SGCZ: variants seen among roughly 807,000 people sequenced by gnomAD.
The protein encoded by SGCZ is sarcoglycan zeta.
A neutral mutation model predicts 41.3 loss-of-function variants in SGCZ; 40 were observed. The ratio of observed to expected loss-of-function variants is 0.97; its 90% CI spans 0.75 to 1.26. The LOEUF is 1.26. Among genes scored for constraint, SGCZ ranks in the 50% most tolerant of loss-of-function variants. The pLI, the probability that SGCZ is intolerant of heterozygous loss-of-function variation, is 0.00. For synonymous variants in SGCZ, 206 were observed against 137.5 expected (o/e 1.50, Z -3.49); for missense variants, 552 against 369.8 (o/e 1.49, Z -4.04).
At chr8:14,322,704 A>C (rs1405634169) in intron 3 of SGCZ, among the ~76,000 whole-genome samples, 2 of 152,152 alleles carry the variant, frequency 1.3e-5, no homozygotes, top group African/African-American at 4.8e-5. Context: ...AGGCATTTTC[A>C]GAGAAGTTTT....
At chr8:15,080,758 T>C (rs1166662408) in intron 1 of SGCZ, among the ~76,000 whole-genome samples, 1 of 151,756 alleles carries the variant, frequency 6.6e-6, no homozygotes, top group Non-Finnish European at 1.5e-5. Flanking sequence ...GCTCAGCTAA[T>C]TTTTTTTGTA....
At chr8:14,223,735 C>G (rs1806281783) in intron 4 of SGCZ, among the ~76,000 whole-genome samples, 1 of 152,084 alleles carries the variant, frequency 6.6e-6, no homozygotes, top group East Asian at 1.9e-4. Context: ...AAGTGATAAC[C>G]CTTAACAAAC....
At position 14,094,104 on chromosome 8, in the gene SGCZ, A is replaced by T. The variant is rs78998898; in HGVS notation, c.745-3467T>A. Among the ~76,000 whole-genome samples, 651 of 152,108 alleles carry T rather than the reference A, an allele frequency of 4.3e-3. 7 individuals are homozygous for T. Among genetic ancestry groups the T allele is most frequent in the African/African-American group, 0.015 (641 of 41,528 alleles). On this transcript the variant is annotated intron_variant, in intron 7 of 7. Coordinates refer to ENST00000382080, the MANE Select transcript of SGCZ (RefSeq NM_139167.4). ...TCATCTGTTTTCTCTTCCATATACC[A>T]TTCCCTGACGCCCCAAGATAGAAAA... is the stretch of plus-strand genomic sequence containing the variant.
chr8:14,807,613 C>G (rs1801584722), intron 1 of SGCZ, among the ~76,000 whole-genome samples: 1 of 151,922 alleles, frequency 6.6e-6, no homozygotes, highest in African/African-American at 2.4e-5. Flanking sequence ...ATTCCATGCT[C>G]AAGGGTAGGA....
At chr8:15,121,891 G>A (rs1315596604) in intron 1 of SGCZ, among the ~76,000 whole-genome samples, 6 of 123,026 alleles carry the variant, frequency 4.9e-5, no homozygotes, top group South Asian at 3.1e-4. Flanking sequence ...CTTTCTTTTC[G>A]GCAGTTACCA....
chr8:14,508,745 A>C (rs1445745139), intron 2 of SGCZ, among the ~76,000 whole-genome samples: 1 of 152,140 alleles, frequency 6.6e-6, no homozygotes, highest in Non-Finnish European at 1.5e-5. Flanking sequence ...TTTTAGACTA[A>C]ATTAGTTTTA....
intron 5 of SGCZ, among the ~76,000 whole-genome samples, chr8:14,139,609 G>T (rs758140900): frequency 1.3e-5 from 2 of 151,928 alleles, no homozygotes; most frequent in Non-Finnish European, 2.9e-5. Flanking sequence ...TGAATTCCTG[G>T]ACACATACAC....
intron 1 of SGCZ, among the ~76,000 whole-genome samples, chr8:14,733,890 T>C (rs1312772624): frequency 6.6e-6 from 1 of 152,206 alleles, no homozygotes; most frequent in Non-Finnish European, 1.5e-5. Context: ...ATGAATATCT[T>C]ATTTTGCTCC....
At chr8:14,914,093 G>T (rs1157755041) in intron 1 of SGCZ, among the ~76,000 whole-genome samples, 1 of 151,864 alleles carries the variant, frequency 6.6e-6, no homozygotes, top group Non-Finnish European at 1.5e-5. Context: ...TAAAAGGTGT[G>T]AGAGATTACT....
chr8:14,285,635 T>C (rs1022684467), intron 3 of SGCZ, among the ~76,000 whole-genome samples: 10 of 152,106 alleles, frequency 6.6e-5, no homozygotes, highest in Non-Finnish European at 1.2e-4. Context: ...CCTAGATAAA[T>C]TGATATTTAT....
At chr8:14,831,859 T>TATAA (rs1268894358) in intron 1 of SGCZ, among the ~76,000 whole-genome samples, 1 of 152,142 alleles carries the variant, frequency 6.6e-6, no homozygotes, top group African/African-American at 2.4e-5. Flanking sequence ...TATATAAGTA[T>TATAA]GTATATGTGT....
At chr8:14,810,011 T>C (rs1801691842) in intron 1 of SGCZ, among the ~76,000 whole-genome samples, 1 of 152,038 alleles carries the variant, frequency 6.6e-6, no homozygotes, top group African/African-American at 2.4e-5. Context: ...ACACTTGACA[T>C]ATAAATCAAG....
At chr8:14,831,509 T>C (rs1802525403) in intron 1 of SGCZ, among the ~76,000 whole-genome samples, 1 of 152,142 alleles carries the variant, frequency 6.6e-6, no homozygotes, top group Non-Finnish European at 1.5e-5. Context: ...GACTTGAACT[T>C]CAGTCTACTA....
chr8:14,112,711 T>G (rs79219267), intron 5 of SGCZ, among the ~76,000 whole-genome samples: 13 of 152,150 alleles, frequency 8.5e-5, no homozygotes, highest in African/African-American at 2.9e-4. Context: ...CTTTGGTTTT[T>G]ATTTGTAAAA....
At chr8:14,920,885 A>C (rs190157711) in intron 1 of SGCZ, among the ~76,000 whole-genome samples, 126 of 152,312 alleles carry the variant, frequency 8.3e-4, no homozygotes, top group Non-Finnish European at 1.4e-3. Flanking sequence ...TGGGCACCGC[A>C]TGCCTGAACC....
At chr8:15,081,464 A>T (rs1055341760) in intron 1 of SGCZ, among the ~76,000 whole-genome samples, 1 of 149,964 alleles carries the variant, frequency 6.7e-6, no homozygotes, top group Non-Finnish European at 1.5e-5. Context: ...GTGGAGATGC[A>T]CATTTTTGGA....
intron 2 of SGCZ, among the ~76,000 whole-genome samples, chr8:14,411,953 C>T (rs566198380): frequency 6.6e-6 from 1 of 152,190 alleles, no homozygotes; most frequent in Non-Finnish European, 1.5e-5. Flanking sequence ...AAGAGGTAAA[C>T]AGCTGGGAAG....
At chr8:14,404,819 G>A (rs1054628756) in intron 2 of SGCZ, among the ~76,000 whole-genome samples, 2 of 152,164 alleles carry the variant, frequency 1.3e-5, no homozygotes, top group African/African-American at 4.8e-5. Flanking sequence ...AGGCTTCAAA[G>A]CCCACGCGTT....
chr8:14,267,574 T>C (rs1393945091), intron 3 of SGCZ, among the ~76,000 whole-genome samples: 2 of 152,092 alleles, frequency 1.3e-5, no homozygotes, highest in African/African-American at 4.8e-5. Context: ...TTATGCATAA[T>C]ATTCTTAATT....
Sources: allele counts gnomAD v4.1 joint callset (sites outside exome capture counted in the v4.1 genomes callset), GRCh38; gene constraint gnomAD v4.1.1; transcripts MANE v1.5; gene names NCBI Gene and HGNC (gene_info 2026-07-23, HGNC 2026-07-21).